Variants in ACOD1 observed in about 807,000 individuals in gnomAD.
ACOD1 encodes the protein aconitate decarboxylase 1.
In ACOD1, 14 loss-of-function variants were observed where a neutral mutation model predicts 14.2. The observed-to-expected ratio is 0.99, with a 90% CI of 0.65 to 1.54. ACOD1 has a LOEUF of 1.54. Among genes scored for constraint, ACOD1 ranks in the 40% most tolerant of loss-of-function variants. ACOD1 has a pLI of 0.00. For synonymous variants in ACOD1, 182 were observed against 221.7 expected, an observed-to-expected ratio of 0.82 and a Z score of 1.59; for missense variants, 530 against 586.3, an observed-to-expected ratio of 0.90 and a Z score of 0.99.
chr13:76,949,556 C>A (rs1354841799), intron 1 of ACOD1, among the ~76,000 whole-genome samples: 2 of 152,136 alleles, frequency 1.3e-5, no homozygotes. Flanking sequence ...TCCTGTATCA[C>A]CAGCAGCACG....
At chr13:76,948,760 C>T (rs1300796608) in intron 1 of ACOD1, among the ~76,000 whole-genome samples, 190 bp downstream of exon 1, 3 of 152,158 alleles carry the variant, frequency 2.0e-5, no homozygotes, top group African/African-American at 7.2e-5. Flanking sequence ...ATACATGATT[C>T]TATTGTACAA....
At chr13:76,951,647 T>C (rs1023078496) in intron 1 of ACOD1, among the ~76,000 whole-genome samples, 3 of 152,234 alleles carry the variant, frequency 2.0e-5, no homozygotes, top group African/African-American at 7.2e-5. Context: ...TTTACTCTTA[T>C]GACACATCTC....
chr13:76,951,886 T>C lies in ACOD1; in HGVS notation c.13-603T>C, dbSNP rs1167330192. Among the ~76,000 whole-genome samples the C allele has an allele frequency of 3.3e-5, 5 of 152,280 alleles. No homozygotes were observed. The East Asian group carries it at 7.7e-4, about 24-fold the overall frequency. ...ACCCCAGGCAGTTCTGAGGTACATGTTCGTCTGACCATTTGGGACTTGATA... is the reference window on the plus strand; with the variant it reads ...ACCCCAGGCAGTTCTGAGGTACATGCTCGTCTGACCATTTGGGACTTGATA... On this transcript the variant is annotated intron_variant, in intron 1 of 4. Transcript: ENST00000377462.
At chr13:76,951,030 T>C (rs549980515) in intron 1 of ACOD1, among the ~76,000 whole-genome samples, 2 of 152,180 alleles carry the variant, frequency 1.3e-5, no homozygotes, top group African/African-American at 2.4e-5. Flanking sequence ...TATTATCTGA[T>C]GACTACTCTT....
In ACOD1 at chr13:76,957,655, G is replaced by A; in HGVS notation, c.1116G>A (p.Glu372=). 6.4e-7 allele frequency: 1 copy of A among 1,550,616 alleles called. No homozygotes were observed. The highest frequency in any genetic ancestry group is 8.7e-7 in the Non-Finnish European group (1 of 1,147,016). The change falls in exon 5 of 5, where the codon GAG becomes GAA. Residue 372 remains glutamate (E), a synonymous_variant. Transcript: ENST00000377462. ...VRELLSKVEL[E]YPPDNLPSFN... ...AGCTGCTCAGTAAGGTGGAGCTGGA[G>A]TACCCTCCGGACAACTTGCCAAGCT...
chr13:76,953,554 G>T, intron 2 of ACOD1, 46 bp from the exon 3 acceptor site: 1 of 1,062,626 alleles, frequency 9.4e-7, no homozygotes, highest in Non-Finnish European at 1.4e-6. Context: ...TGGTGACTTG[G>T]TATACTGTAT....
rs756852931 is a variant in ACOD1 at position 76,957,870 on chromosome 13, A to C, written c.1331A>C (p.Asn444Thr). The C allele has an allele frequency of 1.9e-6, 3 of 1,550,954 alleles. No individual in the cohort carries two copies. Among genetic ancestry groups the C allele is most frequent in the Admixed American group, 2.0e-5 (1 of 50,990 alleles). The change falls in exon 5 of 5, where the codon AAT becomes ACT. Residue 444 changes from asparagine (N) to threonine (T), a missense_variant. Coordinates refer to ENST00000377462, the MANE Select transcript of ACOD1 (RefSeq NM_001258406.2). ...TVESLIKIVK[N>T]LEDLEDCSVL... ...GAAAGCCTTATAAAGATAGTCAAAA[A>C]TCTAGAAGACCTAGAAGACTGTTCT...
Position 76,956,005 on chromosome 13 carries a change from T to C in ACOD1, c.470+481T>C, listed in dbSNP as rs116091761. 7.0e-4 allele frequency among the ~76,000 whole-genome samples: 107 copies of C among 152,310 alleles called. 1 individual carries two copies. The highest frequency in any genetic ancestry group is 2.5e-3 in the African/African-American group (105 of 41,574). Reference sequence around the variant, plus strand: ...AGAAGTAAATTGAAATACTAGGTAGTGAAGTTTCAGTTTCTTCAAGGCCCA... The same window carrying C: ...AGAAGTAAATTGAAATACTAGGTAGCGAAGTTTCAGTTTCTTCAAGGCCCA... On this transcript the variant is annotated intron_variant, in intron 4 of 4. Coordinates refer to ENST00000377462, the MANE Select transcript of ACOD1 (RefSeq NM_001258406.2).
rs1170462849 is a variant in ACOD1, at chr13:76,958,574, C to G, written c.*589C>G. The G allele has an allele frequency of 6.6e-6, 1 of 152,408 alleles. No homozygotes were observed. Among genetic ancestry groups the G allele is most frequent in the African/African-American group, 2.4e-5 (1 of 41,414 alleles). The allele number at this position is 152,408 out of a possible 1,614,324, so 9.4% of individuals were successfully genotyped here. A position where few individuals can be genotyped will look rare whatever the true frequency, so the allele number is the denominator to read the frequency against. On this transcript the variant is annotated 3_prime_UTR_variant, in exon 5 of 5. Coordinates refer to ENST00000377462, the MANE Select transcript of ACOD1 (RefSeq NM_001258406.2). ...GAAAAATCGCATTTTGGCTCTAGAACCCATGGTCTTAAGCACTGCAATATA... is the reference window on the plus strand; with the variant it reads ...GAAAAATCGCATTTTGGCTCTAGAAGCCATGGTCTTAAGCACTGCAATATA...
Position 76,958,174 on chromosome 13 carries a change from C to A in ACOD1, c.*189C>A. Reference sequence around the variant, plus strand: ...GCAGGACAGTTCCACTTACCTAAATCAAGATGAAACACACACACAAAAATG... The same window carrying A: ...GCAGGACAGTTCCACTTACCTAAATAAAGATGAAACACACACACAAAAATG... On this transcript the variant is annotated 3_prime_UTR_variant, in exon 5 of 5. Transcript: ENST00000377462. 1 of 511,740 alleles carries A rather than the reference C, an allele frequency of 2.0e-6. No individual in the cohort carries two copies. The highest frequency in any genetic ancestry group is 3.4e-6 in the Non-Finnish European group (1 of 295,714). The allele number at this position is 511,740 out of a possible 1,614,324, so 31.7% of individuals were successfully genotyped here.
chr13:76,958,158 T>C lies in ACOD1; in HGVS notation c.*173T>C, dbSNP rs1337144307. On this transcript the variant is annotated 3_prime_UTR_variant, in exon 5 of 5. Coordinates refer to ENST00000377462, the MANE Select transcript of ACOD1 (RefSeq NM_001258406.2). The stretch of plus-strand genomic sequence containing the variant: ...TTCTCCTGAAAATTTTGCAGGACAG[T>C]TCCACTTACCTAAATCAAGATGAAA... The C allele has an allele frequency of 1.7e-6, 1 of 571,488 alleles. No homozygotes were observed. Among genetic ancestry groups the C allele is most frequent in the Non-Finnish European group, 2.9e-6 (1 of 341,292 alleles). 35.4% of individuals were successfully genotyped at this position (571,488 alleles called of 1,614,324 possible).
At chr13:76,948,782 G>C (rs2137742276) in intron 1 of ACOD1, among the ~76,000 whole-genome samples, 1 of 152,306 alleles carries the variant, frequency 6.6e-6, no homozygotes, top group East Asian at 1.9e-4. Context: ...GTTAGGAAGG[G>C]AATGAATTAT....
chr13:76,957,657 A>G lies in ACOD1; in HGVS notation c.1118A>G (p.Tyr373Cys). ...RELLSKVELEYPPDNLPSFNI... is the reference protein window; with the variant it reads ...RELLSKVELECPPDNLPSFNI... ...CTGCTCAGTAAGGTGGAGCTGGAGTACCCTCCGGACAACTTGCCAAGCTTC... is the reference window on the plus strand; with the variant it reads ...CTGCTCAGTAAGGTGGAGCTGGAGTGCCCTCCGGACAACTTGCCAAGCTTC... Residue 373 changes from tyrosine to cysteine, a missense_variant, in exon 5 of 5, where the codon TAC (tyrosine) becomes TGC (cysteine). Coordinates refer to ENST00000377462, the MANE Select transcript of ACOD1 (RefSeq NM_001258406.2). 2.6e-6 allele frequency: 4 copies of G among 1,550,606 alleles called. No homozygotes were observed. Among genetic ancestry groups the G allele is most frequent in the Non-Finnish European group, 3.5e-6 (4 of 1,147,010 alleles).
chr13:76,952,451 T>C, intron 1 of ACOD1, 38 bp from the exon 2 acceptor site: 1 of 1,532,766 alleles, frequency 6.5e-7, no homozygotes. Context: ...GTAAGTAAAG[T>C]GGGGTGTATC....
chr13:76,957,798 A>G lies in ACOD1; in HGVS notation c.1259A>G (p.Glu420Gly), dbSNP rs1360204006. The change falls in exon 5 of 5, where the codon GAA becomes GGA. Residue 420 changes from glutamate (E) to glycine (G), a missense_variant. Physicochemically the swap from Glu to Gly is moderately conservative, Grantham distance 98. Coordinates refer to ENST00000377462, the MANE Select transcript of ACOD1 (RefSeq NM_001258406.2). ...CCACTGAGCCAGGAGGACCTAGAGG[A>G]AAAGTTCAGAGCCAATGCCTCCAAG... is the stretch of plus-strand genomic sequence containing the variant. ...RKPLSQEDLEEKFRANASKML... is the reference protein window; with the variant it reads ...RKPLSQEDLEGKFRANASKML... The G allele has an allele frequency of 1.3e-6, 2 of 1,550,840 alleles. No homozygotes were observed. The highest frequency in any genetic ancestry group is 1.7e-6 in the Non-Finnish European group (2 of 1,147,084).
At chr13:76,954,134 G>A (rs905227007) in intron 3 of ACOD1, among the ~76,000 whole-genome samples, 9 of 152,088 alleles carry the variant, frequency 5.9e-5, no homozygotes, top group African/African-American at 1.9e-4. Context: ...TGTATTTTCT[G>A]AACCAAAAAT....
chr13:76,948,754 A>G (rs1216067863), intron 1 of ACOD1, among the ~76,000 whole-genome samples, 184 bp downstream of exon 1: 1 of 152,232 alleles, frequency 6.6e-6, no homozygotes, highest in East Asian at 1.9e-4. Context: ...AATGAGATAC[A>G]TGATTCTATT....
At chr13:76,952,754 C>T in intron 2 of ACOD1, 104 bp downstream of exon 2, 1 of 856,394 alleles carries the variant, frequency 1.2e-6, no homozygotes. Flanking sequence ...GTACATAGCA[C>T]TGTTCTATAT....
chr13:76,953,616 T>C lies in ACOD1; in HGVS notation c.191T>C (p.Ile64Thr). 2 of 1,546,414 alleles carry C rather than the reference T, an allele frequency of 1.3e-6. No individual in the cohort carries two copies. The highest frequency in any genetic ancestry group is 1.7e-6 in the Non-Finnish European group (2 of 1,143,226). Residue 64 changes from isoleucine (I) to threonine (T), a missense_variant, in exon 3 of 5, where the codon ATA (isoleucine) becomes ACA (threonine). By Grantham distance (89) the Ile-to-Thr change is moderately conservative (BLOSUM62 -1). Coordinates refer to ENST00000377462, the MANE Select transcript of ACOD1 (RefSeq NM_001258406.2). ...TTGTTCCAGATCTACAGTTCCAACA[T>C]ATCCAGCACTGTTTGGGGTCAGCCA... ...SQYSKIYSSN[I>T]SSTVWGQPDI...
Sources: allele counts gnomAD v4.1 joint callset (sites outside exome capture counted in the v4.1 genomes callset), GRCh38; gene constraint gnomAD v4.1.1; transcripts MANE v1.5; gene names NCBI Gene and HGNC (gene_info 2026-07-23, HGNC 2026-07-21).